Variants in PDGFD observed in about 807,000 individuals in gnomAD.
The protein encoded by PDGFD is platelet-derived growth factor D.
Under a neutral mutation model 44.7 loss-of-function variants are expected in PDGFD, and 30 were observed. The observed-to-expected ratio is 0.67, with a 90% CI of 0.50 to 0.91. PDGFD has a LOEUF of 0.91. Ranked by LOEUF, PDGFD falls within the 40% of genes least tolerant of loss-of-function variation. PDGFD has a pLI of 0.00. For missense variants in PDGFD, 445 were observed against 457.8 expected, an observed-to-expected ratio of 0.97 and a Z score of 0.25; for synonymous variants, 173 against 168.4, an observed-to-expected ratio of 1.03 and a Z score of -0.21.
chr11:104,093,529 T>G (rs895111745), intron 1 of PDGFD, among the ~76,000 whole-genome samples: 2 of 152,116 alleles, frequency 1.3e-5, no homozygotes, highest in Non-Finnish European at 2.9e-5. Context: ...CTTTATTGGT[T>G]TGATTTATCA....
chr11:103,984,731 G>T (rs1448768091), intron 3 of PDGFD, among the ~76,000 whole-genome samples: 1 of 148,910 alleles, frequency 6.7e-6, no homozygotes, highest in Non-Finnish European at 1.5e-5. Context: ...AGTAACTTGA[G>T]TACTTGATGG....
At chr11:104,155,942 A>T (rs948450709) in intron 1 of PDGFD, among the ~76,000 whole-genome samples, 1 of 152,210 alleles carries the variant, frequency 6.6e-6, no homozygotes, top group Non-Finnish European at 1.5e-5. Flanking sequence ...CAAAGAAGGC[A>T]TGCTACATTT....
At chr11:104,000,538 T>C (rs1859604218) in intron 1 of PDGFD, among the ~76,000 whole-genome samples, 2 of 151,684 alleles carry the variant, frequency 1.3e-5, no homozygotes, top group Admixed American at 1.3e-4. Flanking sequence ...CCCTTTATTT[T>C]GTATTCAATT....
chr11:104,065,240 A>G lies in PDGFD; in HGVS notation c.125-64985T>C, dbSNP rs180774583. Among the ~76,000 whole-genome samples, 367 of 152,056 alleles carry G rather than the reference A, an allele frequency of 2.4e-3. 3 individuals are homozygous for G. Among genetic ancestry groups the G allele is most frequent in the Non-Finnish European group, 4.0e-3 (273 of 67,976 alleles). On this transcript the variant is annotated intron_variant, in intron 1 of 6. Coordinates refer to ENST00000393158, the MANE Select transcript of PDGFD (RefSeq NM_025208.5). ...TCACTTTGTGATCCTGTGACTTAAT[A>G]CTCCTTAATAAATGCCCCTTTATAT... is the stretch of plus-strand genomic sequence containing the variant.
At chr11:104,005,111 T>C (rs1399185153) in intron 1 of PDGFD, among the ~76,000 whole-genome samples, 1 of 152,126 alleles carries the variant, frequency 6.6e-6, no homozygotes, top group East Asian at 1.9e-4. Context: ...ACGCCTGACC[T>C]CAAGTGATCT....
At chr11:103,941,626 A>T (rs1858585517) in intron 5 of PDGFD, among the ~76,000 whole-genome samples, 1 of 147,380 alleles carries the variant, frequency 6.8e-6, no homozygotes, top group African/African-American at 2.5e-5. Context: ...GGTGCCTGCT[A>T]AAAAAAAAAT....
intron 1 of PDGFD, among the ~76,000 whole-genome samples, chr11:104,104,922 C>T (rs573655100): frequency 3.9e-5 from 6 of 152,200 alleles, no homozygotes; most frequent in East Asian, 3.9e-4. Flanking sequence ...TCTATGGGAA[C>T]GCTACATAGG....
intron 1 of PDGFD, among the ~76,000 whole-genome samples, chr11:104,053,415 A>G (rs1860572838): frequency 6.6e-6 from 1 of 152,170 alleles, no homozygotes; most frequent in African/African-American, 2.4e-5. Context: ...TATATTACTT[A>G]CTCAGTTCAA....
intron 1 of PDGFD, among the ~76,000 whole-genome samples, chr11:104,083,649 A>G (rs1367815749): frequency 6.6e-6 from 1 of 152,236 alleles, no homozygotes; most frequent in African/African-American, 2.4e-5. Flanking sequence ...TCTTGATCTA[A>G]TTAGCCCATG....
At chr11:104,155,145 G>A (rs1284350230) in intron 1 of PDGFD, among the ~76,000 whole-genome samples, 1 of 152,058 alleles carries the variant, frequency 6.6e-6, no homozygotes, top group Non-Finnish European at 1.5e-5. Flanking sequence ...TGTCATCCAG[G>A]CTACAACCAT....
intron 2 of PDGFD, among the ~76,000 whole-genome samples, chr11:103,999,454 ATCT>A (rs1859586256): frequency 1.3e-5 from 2 of 152,194 alleles, no homozygotes; most frequent in Admixed American, 1.3e-4. Flanking sequence ...CACAGCTTTC[ATCT>A]TCTACTTGTG....
chr11:103,919,629 C>G (rs138164485), intron 6 of PDGFD, among the ~76,000 whole-genome samples: 2,240 of 151,436 alleles, frequency 0.015, 51 homozygotes, highest in African/African-American at 0.051. Flanking sequence ...CTGCCTCAGC[C>G]TCCCAAGTAG....
At chr11:104,103,462 G>GTATATATA (rs58684985) in intron 1 of PDGFD, among the ~76,000 whole-genome samples, 26 of 133,258 alleles carry the variant, frequency 2.0e-4, no homozygotes, top group African/African-American at 5.8e-4. Flanking sequence ...GTGTGTGTGT[G>GTATATATA]TATATATATA....
intron 1 of PDGFD, among the ~76,000 whole-genome samples, chr11:104,098,556 C>G (rs1198886129): frequency 6.7e-6 from 1 of 148,724 alleles, no homozygotes; most frequent in South Asian, 2.1e-4. Flanking sequence ...CCAGGCCATA[C>G]AGCAGTGCTG....
At chr11:103,963,518 C>A (rs190944139) in intron 3 of PDGFD, among the ~76,000 whole-genome samples, 1 of 152,038 alleles carries the variant, frequency 6.6e-6, no homozygotes, top group African/African-American at 2.4e-5. Context: ...CGATATCGTT[C>A]GTACAAAAGT....
At chr11:104,100,291 A>G (rs1279700252) in intron 1 of PDGFD, among the ~76,000 whole-genome samples, 2 of 152,100 alleles carry the variant, frequency 1.3e-5, no homozygotes, top group East Asian at 1.9e-4. Context: ...TATCACCACC[A>G]ATCCCACAGA....
rs955178392 is a variant in PDGFD at position 104,039,341 on chromosome 11, G to T, written c.125-39086C>A. On this transcript the variant is annotated intron_variant, in intron 1 of 6. Transcript: ENST00000393158. The stretch of plus-strand genomic sequence containing the variant: ...AACCTCATTATCTTAAAGGATCTGG[G>T]ATATCCTTTAAGTTATTCTATTTTC... 2.0e-5 allele frequency among the ~76,000 whole-genome samples: 3 copies of T among 151,880 alleles called. No individual in the cohort carries two copies. In the South Asian group the frequency reaches 6.2e-4, roughly 32 times the overall value.
intron 1 of PDGFD, among the ~76,000 whole-genome samples, chr11:104,072,294 CAAAT>C (rs1860890911): frequency 2.0e-5 from 3 of 151,804 alleles, no homozygotes; most frequent in Non-Finnish European, 4.4e-5. Flanking sequence ...ACTTTTTCCA[CAAAT>C]AAATTTTGCA....
intron 1 of PDGFD, among the ~76,000 whole-genome samples, chr11:104,094,843 C>T (rs1481774421): frequency 1.3e-5 from 2 of 152,090 alleles, no homozygotes; most frequent in African/African-American, 4.8e-5. Flanking sequence ...GGTCTTGATC[C>T]TCTCTTTTTT....
Sources: allele counts gnomAD v4.1 joint callset (sites outside exome capture counted in the v4.1 genomes callset), GRCh38; gene constraint gnomAD v4.1.1; transcripts MANE v1.5; gene names NCBI Gene and HGNC (gene_info 2026-07-23, HGNC 2026-07-21).